The following LDHD variants were observed in gnomAD, a reference collection of about 807,000 sequenced individuals.
LDHD encodes the protein lactate dehydrogenase D.
Under a neutral mutation model 52.9 loss-of-function variants are expected in LDHD, and 58 were observed. The observed-to-expected ratio is 1.10, with a 90% CI of 0.89 to 1.36. The LOEUF (loss-of-function observed/expected upper bound fraction) is 1.36, where lower values mean the gene tolerates loss of function less well. LDHD is among the 40% of genes most tolerant of loss of function. The pLI is 0.00. For missense variants in LDHD, 747 were observed against 668.0 expected (o/e 1.12, Z -1.30); for synonymous variants, 350 against 288.6 (o/e 1.21, Z -2.16).
intron 9 of LDHD, 37 bp from the exon 10 acceptor site, chr16:75,112,750 GTCC>G (rs775383137): frequency 1.4e-5 from 22 of 1,604,242 alleles, no homozygotes; most frequent in South Asian, 2.2e-5. Flanking sequence ...CTCCAGCCCA[GTCC>G]TCCTCTTGCC....
Position 75,113,627 on chromosome 16 carries a change from A to T in LDHD, c.994T>A (p.Ser332Thr). 1 of 1,613,284 alleles carries T rather than the reference A, an allele frequency of 6.2e-7. No individual in the cohort carries two copies. Among genetic ancestry groups the T allele is most frequent in the Non-Finnish European group, 8.5e-7 (1 of 1,179,986 alleles). Reference protein sequence around the residue: ...IVQQNGASDFSWAKEAEERSR... With the variant: ...IVQQNGASDFTWAKEAEERSR... ...CGCTCCTCGGCCTCCTTGGCCCAGG[A>T]GAAGTCAGAGGCTCCGTTCTGCTGG... Residue 332 changes from serine (S) to threonine (T), a missense_variant, in exon 8 of 11, where the codon TCC (serine) becomes ACC (threonine). Transcript: ENST00000450168.
chr16:75,114,565 C>CCGT lies in LDHD; in HGVS notation c.587_589dup (p.Asp196dup). On this transcript the variant is annotated inframe_insertion, in exon 5 of 11. Transcript: ENST00000450168. ...TCGGCCCGCCGTGTGCAGCAGCCGCCCGTCGGGCAGCACCACCTCCAGGTT... is the reference window on the plus strand; with the variant it reads ...TCGGCCCGCCGTGTGCAGCAGCCGCCCGTCGTCGGGCAGCACCACCTCCAGGTT... 2.0e-6 allele frequency: 3 copies of CCGT among 1,531,352 alleles called. No individual in the cohort carries two copies. Among genetic ancestry groups the CCGT allele is most frequent in the Non-Finnish European group, 2.6e-6 (3 of 1,143,918 alleles). 94.9% of individuals were successfully genotyped at this position (1,531,352 alleles called of 1,614,324 possible).
Position 75,115,238 on chromosome 16 carries a change from C to T in LDHD, c.287G>A (p.Gly96Asp), listed in dbSNP as rs1485034103. ...GCCACCCTCAAGCCCGGTGCCGGTG[C>T]CGAATGGGATGATGGGCACACCTTG... is the stretch of plus-strand genomic sequence containing the variant. ...YRQGVPIIPF[G>D]TGTGLEGGVC... The change falls in exon 3 of 11, where the codon GGC becomes GAC. Residue 96 changes from glycine (G) to aspartate (D), a missense_variant. By Grantham distance (94) the Gly-to-Asp change is moderately conservative. Coordinates refer to ENST00000450168, the MANE Select transcript of LDHD (RefSeq NM_194436.3). 1 of 1,613,290 alleles carries T rather than the reference C, an allele frequency of 6.2e-7. No homozygotes were observed. Among genetic ancestry groups the T allele is most frequent in the Admixed American group, 1.7e-5 (1 of 60,026 alleles).
rs1426488559 is a variant in LDHD, at chr16:75,113,864, AG to A, written c.835del (p.Leu279TrpfsTer5). 4.3e-6 allele frequency: 7 copies of A among 1,613,926 alleles called. 1 individual carries two copies. In the South Asian group the frequency reaches 6.6e-5, roughly 15 times the overall value. On this transcript the variant is annotated frameshift_variant, in exon 7 of 11. Transcript: ENST00000450168. LOFTEE classifies it high-confidence loss of function. ...GCAGGCATCCATCATGACTTCATCCAGGAACTCTGGATCCAGGGAGATGGCA... is the reference window on the plus strand; with the variant it reads ...GCAGGCATCCATCATGACTTCATCCAGAACTCTGGATCCAGGGAGATGGCA... ...AAVPVARIEF[L>X]DEVMMDACNR...
At position 75,115,199 on chromosome 16, in the gene LDHD, T is replaced by A; in HGVS notation, c.326A>T (p.Gln109Leu). The change falls in exon 3 of 11, where the codon CAG becomes CTG. Residue 109 changes from glutamine (Q) to leucine (L), a missense_variant and splice_region_variant. By Grantham distance (113) the Gln-to-Leu change is moderately radical (BLOSUM62 -2). Coordinates refer to ENST00000450168, the MANE Select transcript of LDHD (RefSeq NM_194436.3). The stretch of plus-strand genomic sequence containing the variant: ...CCGGGCGAGGGAGCCCCACTGTACC[T>A]GCACAGCACAGACGCCACCCTCAAG... Reference protein sequence around the residue: ...TGLEGGVCAVQGGVCVNLTHM... With the variant: ...TGLEGGVCAVLGGVCVNLTHM... 1 of 1,611,860 alleles carries A rather than the reference T, an allele frequency of 6.2e-7. No individual in the cohort carries two copies. Among genetic ancestry groups the A allele is most frequent in the South Asian group, 1.1e-5 (1 of 91,056 alleles).
Position 75,114,073 on chromosome 16 carries a change from G to A in LDHD, c.722C>T (p.Pro241Leu). The A allele has an allele frequency of 6.2e-7, 1 of 1,611,334 alleles. No individual in the cohort carries two copies. Among genetic ancestry groups the A allele is most frequent in the Non-Finnish European group, 8.5e-7 (1 of 1,179,892 alleles). ...GGCGGCCACTGTGGCCTCAGGGGCA[G>A]GGTGCAGGCGCAGGGTGGTGGCTGT... ...LITATTLRLH[P>L]APEATVAATC... The change falls in exon 6 of 11, where the codon CCT (proline) becomes CTT (leucine). Residue 241 changes from proline to leucine, a missense_variant. By Grantham distance (98) the Pro-to-Leu change is moderately conservative (BLOSUM62 -3). Coordinates refer to ENST00000450168, the MANE Select transcript of LDHD (RefSeq NM_194436.3).
At position 75,112,595 on chromosome 16, in the gene LDHD, C is replaced by T. The variant is rs1382958766; in HGVS notation, c.1289+7G>A. 1.9e-6 allele frequency: 3 copies of T among 1,613,912 alleles called. No individual in the cohort carries two copies. The African/African-American group carries it at 4.0e-5, about 22-fold the overall frequency. On this transcript the variant is annotated splice_region_variant and intron_variant, in intron 10 of 10. Transcript: ENST00000450168. ...TCAGCTCTTCCCCTCCCTGGCTTTG[C>T]TCCTACCTGCCCAGCTGTTCTGCAA...
At position 75,112,649 on chromosome 16, in the gene LDHD, G is replaced by A. The variant is rs772063420; in HGVS notation, c.1242C>T (p.Asp414=). Residue 414 remains aspartate, a synonymous_variant, in exon 10 of 11, where the codon GAC becomes GAT. Coordinates refer to ENST00000450168, the MANE Select transcript of LDHD (RefSeq NM_194436.3). ...FHCILLVNPD[D]AEELGRVKAF... ...CCTTGACCCTGCCCAGTTCCTCGGC[G>A]TCATCAGGGTTGACCAGCAGGATGC... 27 of 1,613,992 alleles carry A rather than the reference G, an allele frequency of 1.7e-5. No homozygotes were observed. The highest frequency in any genetic ancestry group is 8.9e-5 in the East Asian group (4 of 44,890).
At chr16:75,112,786 C>T in intron 9 of LDHD, 48 bp downstream of exon 9, 1 of 1,600,258 alleles carries the variant, frequency 6.2e-7, no homozygotes, top group Non-Finnish European at 8.6e-7. Context: ...AGGCTCTGAT[C>T]AGCCCTGACA....
chr16:75,114,492 G>A, intron 5 of LDHD, 34 bp downstream of exon 5: 1 of 1,473,714 alleles, frequency 6.8e-7, no homozygotes, highest in Non-Finnish European at 9.0e-7. Flanking sequence ...AGTGCCCAGG[G>A]CCAGAGCCCG....
At position 75,111,931 on chromosome 16, in the gene LDHD, G is replaced by C. The variant is rs942650607; in HGVS notation, c.*425C>G. 3 of 162,706 alleles carry C rather than the reference G, an allele frequency of 1.8e-5. No individual in the cohort carries two copies. Among genetic ancestry groups the C allele is most frequent in the African/African-American group, 7.2e-5 (3 of 41,628 alleles). 10.1% of individuals were successfully genotyped at this position (162,706 alleles called of 1,614,324 possible). On this transcript the variant is annotated 3_prime_UTR_variant, in exon 11 of 11. Transcript: ENST00000450168. ...CCCCAAGGAGAAGACCTATCATCAT[G>C]TCACGGGAGCTCACGTTCCATACCA...
chr16:75,112,553 C>T (rs1443974483), intron 10 of LDHD, 32 bp from the exon 11 acceptor site: 2 of 1,613,208 alleles, frequency 1.2e-6, no homozygotes, highest in Non-Finnish European at 8.5e-7. Context: ...CCTCAGGGGG[C>T]TCCCTTTCCT....
chr16:75,113,490 G>A (rs1246720683), intron 8 of LDHD, 45 bp downstream of exon 8: 1 of 1,562,304 alleles, frequency 6.4e-7, no homozygotes, highest in Non-Finnish European at 8.6e-7. Flanking sequence ...GAAAGGGTTT[G>A]TGGGCCGAGC....
intron 1 of LDHD, 61 bp from the exon 2 acceptor site, chr16:75,115,721 C>T (rs13330129): frequency 0.15 from 163,772 of 1,091,792 alleles, 18,249 homozygotes; most frequent in East Asian, 0.6. Flanking sequence ...ACAGCCCTGC[C>T]CCAGTGTCGG....
At position 75,112,199 on chromosome 16, in the gene LDHD, C is replaced by G. The variant is rs902940657; in HGVS notation, c.*157G>C. 1.1e-6 allele frequency: 1 copy of G among 877,242 alleles called. No homozygotes were observed. The highest frequency in any genetic ancestry group is 1.7e-6 in the Non-Finnish European group (1 of 584,574). The allele number at this position is 877,242 out of a possible 1,614,324, so 54.3% of individuals were successfully genotyped here. A position where few individuals can be genotyped will look rare whatever the true frequency, so the allele number is the denominator to read the frequency against. ...GGGAGGTAACACGGTGCTCAGGCTT[C>G]TCTCTGGGCCCTCTGGCCTTGGGCC... is the stretch of plus-strand genomic sequence containing the variant. On this transcript the variant is annotated 3_prime_UTR_variant, in exon 11 of 11. Coordinates refer to ENST00000450168, the MANE Select transcript of LDHD (RefSeq NM_194436.3).
intron 8 of LDHD, 150 bp from the exon 9 acceptor site, chr16:75,113,074 T>A: frequency 3.1e-6 from 2 of 652,914 alleles, no homozygotes; most frequent in South Asian, 1.8e-5. Context: ...GCCTCAGCCC[T>A]CACCTCCCCC....
rs2036535035 is a variant in LDHD, at chr16:75,115,594, C to T, written c.139G>A (p.Ala47Thr). Residue 47 changes from alanine to threonine, a missense_variant, in exon 2 of 11, where the codon GCC becomes ACC. Ala to Thr is a moderately conservative substitution (Grantham distance 58). Coordinates refer to ENST00000450168, the MANE Select transcript of LDHD (RefSeq NM_194436.3). The part of the protein sequence containing the change: ...AVVGGSHVST[A>T]AVVREQHGRD... ...CCGTGCTGCTCTCGGACCACCGCGGCAGTGGACACGTGGGAGCCGCCCACC... is the reference window on the plus strand; with the variant it reads ...CCGTGCTGCTCTCGGACCACCGCGGTAGTGGACACGTGGGAGCCGCCCACC... 6.2e-7 allele frequency: 1 copy of T among 1,612,972 alleles called. No homozygotes were observed. The highest frequency in any genetic ancestry group is 1.1e-5 in the South Asian group (1 of 91,068).
Position 75,114,624 on chromosome 16 carries a change from C to T in LDHD, c.531G>A (p.Ala177=), listed in dbSNP as rs184025651. Residue 177 remains alanine, a synonymous_variant, in exon 5 of 11, where the codon GCG becomes GCA. Transcript: ENST00000450168. ...TGTCCCGCATGGTGCCGTAGCGGAC[C>T]GCGTTGGTCCCCGACGCCCCGGTGG... is the stretch of plus-strand genomic sequence containing the variant. ...MAATGASGTN[A]VRYGTMRDNV... The T allele has an allele frequency of 4.6e-6, 7 of 1,532,782 alleles. No homozygotes were observed. The East Asian group carries it at 1.5e-4, about 32-fold the overall frequency. 94.9% of individuals were successfully genotyped at this position (1,532,782 alleles called of 1,614,324 possible).
At position 75,113,553 on chromosome 16, in the gene LDHD, G is replaced by A. The variant is rs750980657; in HGVS notation, c.1068C>T (p.Ala356=). The part of the protein sequence containing the change: ...ARHNAWYAAL[A]TRPGCKGYST... ...AGCTCACCTTGCAGCCTGGCCGCGT[G>A]GCCAGGGCTGCGTACCAGGCATTGT... is the stretch of plus-strand genomic sequence containing the variant. The change falls in exon 8 of 11, where the codon GCC becomes GCT. Residue 356 remains alanine, a synonymous_variant. Transcript: ENST00000450168. 1 of 1,611,156 alleles carries A rather than the reference G, an allele frequency of 6.2e-7. No individual in the cohort carries two copies. Among genetic ancestry groups the A allele is most frequent in the South Asian group, 1.1e-5 (1 of 90,982 alleles).
Sources: allele counts gnomAD v4.1 joint callset, GRCh38; gene constraint gnomAD v4.1.1; transcripts MANE v1.5; gene names NCBI Gene and HGNC (gene_info 2026-07-23, HGNC 2026-07-21).